Variants in CHODL observed in about 807,000 individuals in gnomAD.
The protein encoded by CHODL is transmembrane protein MT75.
A neutral mutation model predicts 34.5 loss-of-function variants in CHODL; 29 were observed. The observed-to-expected ratio is 0.84, with a 90% CI of 0.63 to 1.15. The LOEUF (loss-of-function observed/expected upper bound fraction) is 1.15, where lower values mean the gene tolerates loss of function less well. Ranked by LOEUF, CHODL falls within the 50% of genes most tolerant of loss-of-function variation. The pLI, the probability that CHODL is intolerant of heterozygous loss-of-function variation, is 0.00. For synonymous variants in CHODL, 125 were observed against 116.1 expected (o/e 1.08, Z -0.49); for missense variants, 332 against 332.5 (o/e 1.00, Z 0.01).
intron 2 of CHODL, among the ~76,000 whole-genome samples, chr21:18,232,942 GATATATATATATATATATATATATAT>G (rs371388519): frequency 8.4e-6 from 1 of 119,424 alleles, no homozygotes; most frequent in Non-Finnish European, 1.7e-5. Context: ...ATGATGTTAT[GATATATATATATATATATATATATAT>G]ATATGTATAT....
chr21:18,004,077 T>C (rs1395626868), intron 1 of CHODL, among the ~76,000 whole-genome samples: 1 of 152,172 alleles, frequency 6.6e-6, no homozygotes, highest in Non-Finnish European at 1.5e-5. Flanking sequence ...CTTCAAAGTG[T>C]TTGCCTTTTT....
At chr21:18,226,252 GA>G (rs1192809924) in intron 2 of CHODL, among the ~76,000 whole-genome samples, 1 of 152,112 alleles carries the variant, frequency 6.6e-6, no homozygotes, top group Non-Finnish European at 1.5e-5. Flanking sequence ...ATAGATTTAT[GA>G]TTTTAAGTTA....
chr21:17,938,496 G>GTTTTTTTTTTTTTTTTTTTTTTTTTTTT lies in CHODL; in HGVS notation c.-145+21096_-145+21097insTTTTTTTTTTTTTTTTTTTTTTTTTTTT, dbSNP rs2063336099. On this transcript the variant is annotated intron_variant, in intron 1 of 6. Coordinates refer to the CHODL transcript ENST00000400127. ...TTTTTTTTTTTTTTTTTTTTTTTAAGGAAAGGGAGTCTCGCTCCATCGCCC... is the reference window on the plus strand; with the variant it reads ...TTTTTTTTTTTTTTTTTTTTTTTAAGTTTTTTTTTTTTTTTTTTTTTTTTTTTTGAAAGGGAGTCTCGCTCCATCGCCC... Among the ~76,000 whole-genome samples the GTTTTTTTTTTTTTTTTTTTTTTTTTTTT allele has an allele frequency of 4.6e-5, 2 of 43,684 alleles. 1 individual carries two copies. Among genetic ancestry groups the GTTTTTTTTTTTTTTTTTTTTTTTTTTTT allele is most frequent in the Non-Finnish European group, 7.9e-5 (2 of 25,390 alleles). The allele number at this position is 43,684 out of a possible 152,430, so 28.7% of individuals were successfully genotyped here.
intron 2 of CHODL, among the ~76,000 whole-genome samples, chr21:18,234,670 AGTGG>A (rs1312235349): frequency 6.6e-6 from 1 of 152,026 alleles, no homozygotes; most frequent in Non-Finnish European, 1.5e-5. Context: ...ATGGGCACAA[AGTGG>A]GTTATCCACA....
intron 1 of CHODL, among the ~76,000 whole-genome samples, chr21:18,249,344 T>C (rs1197632748): frequency 1.3e-5 from 2 of 151,364 alleles, no homozygotes; most frequent in Non-Finnish European, 2.9e-5. Context: ...AGTTATACTC[T>C]TTGTAATGTG....
chr21:18,190,004 T>C (rs916332793), intron 2 of CHODL, among the ~76,000 whole-genome samples: 12 of 152,330 alleles, frequency 7.9e-5, no homozygotes, highest in Non-Finnish European at 1.3e-4. Context: ...AATTTTTTTC[T>C]TCATGGCTGA....
chr21:17,985,744 A>G (rs2063748565), intron 1 of CHODL, among the ~76,000 whole-genome samples: 1 of 152,204 alleles, frequency 6.6e-6, no homozygotes, highest in Non-Finnish European at 1.5e-5. Flanking sequence ...CAACAAAATG[A>G]AAATAGCTCT....
chr21:17,998,722 C>T (rs1198227203), intron 1 of CHODL, among the ~76,000 whole-genome samples: 4 of 152,244 alleles, frequency 2.6e-5, no homozygotes, highest in Non-Finnish European at 4.4e-5. Context: ...TGGCCCCTTT[C>T]AGCCATGGCT....
At chr21:18,016,126 C>T (rs571432868) in intron 1 of CHODL, among the ~76,000 whole-genome samples, 14 of 152,328 alleles carry the variant, frequency 9.2e-5, no homozygotes, top group Non-Finnish European at 1.5e-5. Flanking sequence ...GGGAAAATCC[C>T]TCCAGGGCAT....
At chr21:17,976,175 G>A (rs2063660213) in intron 1 of CHODL, among the ~76,000 whole-genome samples, 1 of 146,044 alleles carries the variant, frequency 6.8e-6, no homozygotes, top group African/African-American at 2.5e-5. Flanking sequence ...GGGGGCTAAG[G>A]CAGGAGGATT....
At position 18,035,470 on chromosome 21, in the gene CHODL, C is replaced by T. The variant is rs77448810; in HGVS notation, c.-45+7499C>T. ...TTTCTTGTGCTTGAAGTTTGTTGAA[C>T]GTTTTGGATCAATAATTTGCAGTGT... On this transcript the variant is annotated intron_variant, in intron 2 of 6. Transcript: ENST00000400127. Among the ~76,000 whole-genome samples, 886 of 152,014 alleles carry T rather than the reference C, an allele frequency of 5.8e-3. 11 individuals carry two copies. The highest frequency in any genetic ancestry group is 0.02 in the African/African-American group (848 of 41,508).
intron 2 of CHODL, among the ~76,000 whole-genome samples, chr21:18,097,226 A>G (rs1342879747): frequency 1.3e-5 from 2 of 152,188 alleles, no homozygotes; most frequent in African/African-American, 2.4e-5. Context: ...AGCTAGAACA[A>G]TCAGACAAGA....
intron 2 of CHODL, among the ~76,000 whole-genome samples, chr21:18,106,471 C>CTTTCTTT (rs1399357321): frequency 2.0e-5 from 3 of 149,662 alleles, no homozygotes; most frequent in East Asian, 1.9e-4. Flanking sequence ...GTTACTAGAT[C>CTTTCTTT]TTTCTTTTTT....
At chr21:17,946,808 C>T (rs1299382081) in intron 1 of CHODL, among the ~76,000 whole-genome samples, 1 of 152,132 alleles carries the variant, frequency 6.6e-6, no homozygotes, top group South Asian at 2.1e-4. Context: ...TGAAGTGAGT[C>T]TCTTATACGC....
intron 1 of CHODL, among the ~76,000 whole-genome samples, chr21:18,254,105 T>G (rs550077775): frequency 1.3e-5 from 2 of 151,954 alleles, no homozygotes; most frequent in Admixed American, 1.3e-4. Flanking sequence ...CAGTGTGATG[T>G]ACTGTAATTA....
intron 2 of CHODL, among the ~76,000 whole-genome samples, chr21:18,089,844 TG>T (rs758769409): frequency 2.9e-4 from 44 of 152,312 alleles, no homozygotes; most frequent in Non-Finnish European, 5.4e-4. Flanking sequence ...GAGTTTATCT[TG>T]ATAAGCCAAA....
chr21:17,971,085 A>G (rs2063610586), intron 1 of CHODL, among the ~76,000 whole-genome samples: 1 of 152,192 alleles, frequency 6.6e-6, no homozygotes, highest in South Asian at 2.1e-4. Flanking sequence ...ATGGCTACAT[A>G]GTATTCCATG....
At chr21:18,109,693 T>G (rs943247859) in intron 2 of CHODL, among the ~76,000 whole-genome samples, 2 of 152,166 alleles carry the variant, frequency 1.3e-5, no homozygotes, top group African/African-American at 4.8e-5. Context: ...TTGTAAGTGT[T>G]AAATAAATAA....
chr21:17,961,079 C>T (rs531384034), intron 1 of CHODL, among the ~76,000 whole-genome samples: 1 of 152,270 alleles, frequency 6.6e-6, no homozygotes, highest in Admixed American at 6.5e-5. Flanking sequence ...TTCCGAGTGC[C>T]TAATAGTATC....
Sources: gnomAD v4.1 joint callset for allele counts (sites outside exome capture counted in the v4.1 genomes callset) on GRCh38, gnomAD v4.1.1 for gene constraint, MANE v1.5 for transcripts, NCBI Gene and HGNC (gene_info 2026-07-23, HGNC 2026-07-21) for gene names.